The following CNR1 variants were observed in gnomAD, a reference collection of about 807,000 sequenced individuals.
CNR1 encodes the protein cannabinoid receptor 1 (brain).
A neutral mutation model predicts 23.0 loss-of-function variants in CNR1; 10 were observed. That is an observed-to-expected ratio of 0.43 (90% CI 0.27 to 0.74). CNR1 has a LOEUF of 0.74. Ranked by LOEUF, CNR1 falls within the 30% of genes least tolerant of loss-of-function variation. The pLI, the probability that CNR1 is intolerant of heterozygous loss-of-function variation, is 0.19. For synonymous variants in CNR1, 271 were observed against 255.2 expected, an observed-to-expected ratio of 1.06 and a Z score of -0.59; for missense variants, 422 against 618.8, an observed-to-expected ratio of 0.68 and a Z score of 3.37.
intron 1 of CNR1, among the ~76,000 whole-genome samples, chr6:88,151,762 A>G (rs1234700517): frequency 6.6e-6 from 1 of 152,056 alleles, no homozygotes; most frequent in Non-Finnish European, 1.5e-5. Context: ...CACTTAAAAC[A>G]TGAAGCAAAT....
chr6:88,147,197 T>A (rs806373), intron 1 of CNR1, among the ~76,000 whole-genome samples: 42,640 of 152,064 alleles, frequency 0.28, 6,722 homozygotes, highest in East Asian at 0.5. Context: ...CTGTAATCCC[T>A]GCTACTCAGG....
chr6:88,166,840 C>G (rs1241283308), upstream of CNR1, among the ~76,000 whole-genome samples: 1 of 151,994 alleles, frequency 6.6e-6, no homozygotes, highest in Non-Finnish European at 1.5e-5. Context: ...GCGCCGGGCC[C>G]GGGGGTGCGG....
Position 88,145,151 on chromosome 6 carries a change from C to T in CNR1, c.124G>A (p.Gly42Arg), listed in dbSNP as rs1011805931. 1.2e-6 allele frequency: 2 copies of T among 1,613,964 alleles called. No individual in the cohort carries two copies. Among genetic ancestry groups the T allele is most frequent in the Middle Eastern group, 3.3e-4 (2 of 6,084 alleles). The change falls in exon 2 of 2, where the codon GGG becomes AGG. Residue 42 changes from glycine (G) to arginine (R), a missense_variant. This residue lies in a region of CNR1 where 120 missense variants were observed against 117.6 expected (regional missense o/e 1.02). Coordinates refer to ENST00000369501, the MANE Select transcript of CNR1 (RefSeq NM_016083.6). ...DIKGDMASKL[G>R]YFPQKFPLTS... Reference sequence around the variant, plus strand: ...AAAGGGAATTTCTGTGGGAAGTACCCTAATTTGGATGCCATGTCACCTTTG... The same window carrying T: ...AAAGGGAATTTCTGTGGGAAGTACCTTAATTTGGATGCCATGTCACCTTTG...
At chr6:88,164,161 C>G (rs952173807) in intron 1 of CNR1, 1 of 152,284 alleles carries the variant, frequency 6.6e-6, no homozygotes, top group South Asian at 2.1e-4. Context: ...TTGTGAAAGG[C>G]CAGAATTGGG....
chr6:88,152,991 A>C (rs1256015474), intron 1 of CNR1, among the ~76,000 whole-genome samples: 1 of 152,242 alleles, frequency 6.6e-6, no homozygotes, highest in Non-Finnish European at 1.5e-5. Context: ...GAATGATTGA[A>C]TGACATATAA....
intron 1 of CNR1, among the ~76,000 whole-genome samples, chr6:88,152,497 T>C (rs949646395): frequency 6.6e-6 from 1 of 152,218 alleles, no homozygotes; most frequent in Admixed American, 6.5e-5. Context: ...ACTTCCCATT[T>C]TAATGCAACC....
At chr6:88,157,296 G>A (rs1021670895) in intron 1 of CNR1, among the ~76,000 whole-genome samples, 3 of 152,080 alleles carry the variant, frequency 2.0e-5, no homozygotes, top group Non-Finnish European at 4.4e-5. Context: ...GAGAAGTCAC[G>A]TGAAAATTCA....
chr6:88,144,279 T>A lies in CNR1; in HGVS notation c.996A>T (p.Pro332=). 1 of 1,611,406 alleles carries A rather than the reference T, an allele frequency of 6.2e-7. No individual in the cohort carries two copies. The stretch of plus-strand genomic sequence containing the variant: ...ACCTAATGTCCATGCGGGCTTGGTC[T>A]GGCCGGGTCACCTGTACCTTCCCAT... ...SEDGKVQVTR[P]DQARMDIRLA... is the part of the protein sequence containing the mutation. The change falls in exon 2 of 2, where the codon CCA becomes CCT. Residue 332 remains proline (P), a synonymous_variant. Transcript: ENST00000369501. This position sits in a 1 kb window ranked among gnomAD's most constrained non-coding sequence, Gnocchi z 7.8.
intron 1 of CNR1, among the ~76,000 whole-genome samples, 173 bp downstream of exon 1, chr6:88,165,630 T>C (rs1406033450): frequency 6.6e-6 from 1 of 152,104 alleles, no homozygotes; most frequent in African/African-American, 2.4e-5. Flanking sequence ...TCTCCAGAAG[T>C]AGAACAGATC....
intron 1 of CNR1, among the ~76,000 whole-genome samples, chr6:88,152,123 G>A (rs1328825501): frequency 1.3e-5 from 2 of 150,760 alleles, no homozygotes; most frequent in Non-Finnish European, 2.9e-5. Flanking sequence ...GCTGAGGCAG[G>A]AGAATGGCGT....
chr6:88,143,763 TA>T lies in CNR1; in HGVS notation c.*92del. The T allele has an allele frequency of 1.8e-5, 16 of 910,142 alleles. No individual in the cohort carries two copies. The highest frequency in any genetic ancestry group is 2.4e-5 in the Non-Finnish European group (14 of 587,186). 56.4% of individuals were successfully genotyped at this position (910,142 alleles called of 1,614,324 possible). A position where few individuals can be genotyped will look rare whatever the true frequency, so the allele number is the denominator to read the frequency against. ...ACCTTTTCATTGAGCATGGTAAAGT[TA>T]AAAAAATATAACCAAGGAGACAATA... On this transcript the variant is annotated 3_prime_UTR_variant, in exon 2 of 2. Coordinates refer to ENST00000369501, the MANE Select transcript of CNR1 (RefSeq NM_016083.6).
intron 1 of CNR1, among the ~76,000 whole-genome samples, chr6:88,148,495 C>T (rs763796191): frequency 7.3e-5 from 11 of 151,440 alleles, no homozygotes; most frequent in Non-Finnish European, 1.6e-4. Context: ...CAAAATAGAA[C>T]AAAAACAAGA....
rs189603805 is a variant in CNR1, at chr6:88,149,727, G to T, written c.-63-4390C>A. Among the ~76,000 whole-genome samples, 441 of 152,200 alleles carry T rather than the reference G, an allele frequency of 2.9e-3. 6 individuals are homozygous for T. The highest frequency in any genetic ancestry group is 9.0e-4 in the Non-Finnish European group (61 of 68,030). On this transcript the variant is annotated intron_variant, in intron 1 of 1. Transcript: ENST00000369501. Reference sequence around the variant, plus strand: ...CTGCCTACTAAACTTATCTTTCCAGGTCTGTGCCAATGCTACTTCCATGTC... The same window carrying T: ...CTGCCTACTAAACTTATCTTTCCAGTTCTGTGCCAATGCTACTTCCATGTC...
At chr6:88,153,964 C>A (rs1001397663) in intron 1 of CNR1, among the ~76,000 whole-genome samples, 5 of 152,150 alleles carry the variant, frequency 3.3e-5, no homozygotes, top group African/African-American at 1.2e-4. Flanking sequence ...TCTTCTACAG[C>A]AAAGTGAAAT....
At chr6:88,165,286 G>C (rs1239900699) in intron 1 of CNR1, among the ~76,000 whole-genome samples, 1 of 152,138 alleles carries the variant, frequency 6.6e-6, no homozygotes, top group Non-Finnish European at 1.5e-5. Context: ...GAGTTAAACG[G>C]TTCCATCAAC....
chr6:88,162,441 T>C (rs974253506), intron 1 of CNR1, among the ~76,000 whole-genome samples: 10 of 152,208 alleles, frequency 6.6e-5, no homozygotes, highest in Non-Finnish European at 1.0e-4. Context: ...CCAGGAAACA[T>C]TTTGGAGAAA....
Position 88,144,597 on chromosome 6 carries a change from C to G in CNR1, c.678G>C (p.Arg226Ser). 6.2e-7 allele frequency: 1 copy of G among 1,614,218 alleles called. No individual in the cohort carries two copies. Among genetic ancestry groups the G allele is most frequent in the South Asian group, 1.1e-5 (1 of 91,086 alleles). ...ISIHRPLAYK[R>S]IVTRPKAVVA... ...CCACGGCCTTGGGCCTGGTGACAAT[C>G]CTCTTATAGGCCAGGGGCCTGTGAA... Residue 226 changes from arginine (R) to serine (S), a missense_variant, in exon 2 of 2, where the codon AGG becomes AGC. Arg to Ser is a moderately radical substitution (Grantham distance 110). Around this residue, in one of 4 missense-constraint regions of CNR1, gnomAD observed 211 missense variants for 357.3 expected, o/e 0.59. Transcript: ENST00000369501. This position sits in a 1 kb window ranked among gnomAD's most constrained non-coding sequence, Gnocchi z 7.8.
At chr6:88,166,513 G>A (rs1336572907), upstream of CNR1, among the ~76,000 whole-genome samples, 1 of 152,104 alleles carries the variant, frequency 6.6e-6, no homozygotes, top group African/African-American at 2.4e-5. Flanking sequence ...TGGGGCGGGG[G>A]ACCCGCCGCG....
At chr6:88,145,530 G>A (rs1777135459) in intron 1 of CNR1, among the ~76,000 whole-genome samples, 193 bp from the exon 2 acceptor site, 1 of 152,178 alleles carries the variant, frequency 6.6e-6, no homozygotes. Flanking sequence ...CAAAGTTCAG[G>A]GATGGCGTGG....
Sources: gnomAD v4.1 joint callset for allele counts (sites outside exome capture counted in the v4.1 genomes callset) on GRCh38, gnomAD v4.1.1 for gene constraint, gnomAD v4.1.1 regional missense constraint, Gnocchi (gnomAD v3.1) non-coding constraint, MANE v1.5 for transcripts, NCBI Gene and HGNC (gene_info 2026-07-23, HGNC 2026-07-21) for gene names.